MAMDC2: variants seen among roughly 807,000 people sequenced by gnomAD.
MAMDC2 encodes MAM domain containing 2, also known as MAM domain-containing protein 2.
A neutral mutation model predicts 89.8 loss-of-function variants in MAMDC2; 57 were observed. That is an observed-to-expected ratio of 0.63 (90% CI 0.51 to 0.79). MAMDC2 has a LOEUF of 0.79. Ranked by LOEUF, MAMDC2 falls within the 30% of genes least tolerant of loss-of-function variation. MAMDC2 has a pLI of 0.00. For missense variants in MAMDC2, 800 were observed against 820.6 expected, an observed-to-expected ratio of 0.97 and a Z score of 0.31; for synonymous variants, 313 against 293.4, an observed-to-expected ratio of 1.07 and a Z score of -0.68.
intron 5 of MAMDC2, among the ~76,000 whole-genome samples, chr9:70,113,457 C>G (rs1036741027): frequency 3.9e-5 from 6 of 152,146 alleles, no homozygotes; most frequent in African/African-American, 1.4e-4. Context: ...TTTAATATTT[C>G]TCATTTCTAA....
chr9:70,177,302 A>C (rs1722318381), intron 11 of MAMDC2, among the ~76,000 whole-genome samples: 1 of 152,194 alleles, frequency 6.6e-6, no homozygotes, highest in African/African-American at 2.4e-5. Flanking sequence ...AAGATGGCTA[A>C]GTGACTCACA....
intron 11 of MAMDC2, among the ~76,000 whole-genome samples, chr9:70,192,591 G>T (rs1483019896): frequency 1.3e-5 from 2 of 152,064 alleles, no homozygotes; most frequent in Non-Finnish European, 2.9e-5. Flanking sequence ...GCTTTAAACT[G>T]CCTAAGAGAC....
intron 11 of MAMDC2, among the ~76,000 whole-genome samples, chr9:70,183,794 A>C (rs763343163): frequency 5.9e-5 from 9 of 152,066 alleles, no homozygotes; most frequent in Non-Finnish European, 8.8e-5. Context: ...TCTTGACTCT[A>C]TCCAATTTGC....
chr9:70,219,039 T>G (rs1288654516), intron 12 of MAMDC2, among the ~76,000 whole-genome samples: 1 of 152,188 alleles, frequency 6.6e-6, no homozygotes, highest in Non-Finnish European at 1.5e-5. Context: ...GAGTAAGTTT[T>G]GTTTTTTTAA....
rs1302941165 is a variant in MAMDC2 at position 70,148,795 on chromosome 9, C to T, written c.1404+4976C>T. The stretch of plus-strand genomic sequence containing the variant: ...CTGTAATCCCAGCACTTTGGGAGGC[C>T]GAGGCGGGCGGATCATGAGGTCAGG... On this transcript the variant is annotated intron_variant, in intron 9 of 13. Coordinates refer to ENST00000377182, the MANE Select transcript of MAMDC2 (RefSeq NM_153267.5). 5.3e-5 allele frequency among the ~76,000 whole-genome samples: 8 copies of T among 149,668 alleles called. No individual in the cohort carries two copies. The East Asian group carries it at 5.9e-4, about 11-fold the overall frequency.
intron 11 of MAMDC2, among the ~76,000 whole-genome samples, chr9:70,209,238 C>T (rs60391643): frequency 0.069 from 10,497 of 152,146 alleles, 580 homozygotes; most frequent in East Asian, 0.22. Flanking sequence ...TGGTAGAATT[C>T]GGCTGTGAAT....
chr9:70,115,477 T>C (rs2029943002), intron 5 of MAMDC2, among the ~76,000 whole-genome samples: 1 of 152,078 alleles, frequency 6.6e-6, no homozygotes, highest in African/African-American at 2.4e-5. Flanking sequence ...TGCCTCAGCC[T>C]CCCAAGTAGC....
At chr9:70,153,242 A>G (rs538835498) in intron 9 of MAMDC2, 54 of 152,200 alleles carry the variant, frequency 3.5e-4, no homozygotes, top group Admixed American at 7.9e-4. Flanking sequence ...TGAAATAGAG[A>G]GCAGGTAATC....
chr9:70,111,920 G>C (rs1828520540), intron 4 of MAMDC2, among the ~76,000 whole-genome samples: 1 of 152,232 alleles, frequency 6.6e-6, no homozygotes, highest in Non-Finnish European at 1.5e-5. Context: ...GGAGTTTCCA[G>C]TACCTGTAAA....
chr9:70,226,094 C>T lies in MAMDC2; in HGVS notation c.*62C>T, dbSNP rs920115551. ...TACCTCTCTTCAATCAAAATGAAAA[C>T]AAAGCAAATGAATACTGGACAGTCT... is the stretch of plus-strand genomic sequence containing the variant. On this transcript the variant is annotated 3_prime_UTR_variant, in exon 14 of 14. Transcript: ENST00000377182. 9 of 989,572 alleles carry T rather than the reference C, an allele frequency of 9.1e-6. No individual in the cohort carries two copies. Among genetic ancestry groups the T allele is most frequent in the East Asian group, 2.5e-5 (1 of 40,212 alleles). The allele number at this position is 989,572 out of a possible 1,614,324, so 61.3% of individuals were successfully genotyped here.
At chr9:70,106,172 T>C (rs1043022330) in intron 2 of MAMDC2, 4 of 152,142 alleles carry the variant, frequency 2.6e-5, no homozygotes, top group Non-Finnish European at 5.9e-5. Flanking sequence ...GGGCTCAACT[T>C]TAAGAGCATT....
intron 2 of MAMDC2, among the ~76,000 whole-genome samples, chr9:70,071,117 T>C (rs1827396206): frequency 6.6e-6 from 1 of 152,176 alleles, no homozygotes; most frequent in Non-Finnish European, 1.5e-5. Flanking sequence ...GAGGCCTTTT[T>C]GGTACTGGTT....
At chr9:70,057,002 T>A (rs1268881367) in intron 2 of MAMDC2, among the ~76,000 whole-genome samples, 4 of 152,208 alleles carry the variant, frequency 2.6e-5, no homozygotes, top group Non-Finnish European at 5.9e-5. Context: ...ACCCACTGAT[T>A]CTACATTATG....
At chr9:70,215,332 G>A (rs2118679765) in intron 11 of MAMDC2, among the ~76,000 whole-genome samples, 1 of 152,336 alleles carries the variant, frequency 6.6e-6, no homozygotes, top group East Asian at 1.9e-4. Flanking sequence ...GGTGAGCACT[G>A]CAGAACACTG....
At chr9:70,151,401 C>T (rs1472745397) in intron 9 of MAMDC2, among the ~76,000 whole-genome samples, 2 of 152,318 alleles carry the variant, frequency 1.3e-5, no homozygotes, top group Middle Eastern at 3.4e-3. Flanking sequence ...GGGACCTTGT[C>T]GGTCTTGTTC....
intron 2 of MAMDC2, among the ~76,000 whole-genome samples, chr9:70,058,074 C>T (rs1362337228): frequency 6.6e-6 from 1 of 152,266 alleles, no homozygotes; most frequent in East Asian, 1.9e-4. Context: ...TTGTAGAGCA[C>T]TGAGTGGGCA....
chr9:70,089,870 T>C (rs941050239), intron 2 of MAMDC2, among the ~76,000 whole-genome samples: 7 of 152,206 alleles, frequency 4.6e-5, no homozygotes, highest in Admixed American at 4.6e-4. Context: ...GTTATAGTTG[T>C]GGAGATAATC....
At chr9:70,055,259 C>A (rs1264739405) in intron 2 of MAMDC2, among the ~76,000 whole-genome samples, 1 of 152,122 alleles carries the variant, frequency 6.6e-6, no homozygotes, top group Admixed American at 6.5e-5. Context: ...TTTAATAGTG[C>A]CTGACAAGCA....
At chr9:70,173,695 G>C (rs2032418789) in intron 11 of MAMDC2, among the ~76,000 whole-genome samples, 2 of 152,152 alleles carry the variant, frequency 1.3e-5, no homozygotes, top group South Asian at 4.1e-4. Flanking sequence ...AATTCTGTGG[G>C]TAATGAAGAC....
Sources: gnomAD v4.1 joint callset for allele counts (sites outside exome capture counted in the v4.1 genomes callset) on GRCh38, gnomAD v4.1.1 for gene constraint, MANE v1.5 for transcripts, NCBI Gene and HGNC (gene_info 2026-07-23, HGNC 2026-07-21) for gene names.